PCDH15: variants seen among roughly 807,000 people sequenced by gnomAD.
PCDH15 encodes the protein protocadherin-15.
PCDH15 carries 129 observed loss-of-function variants against 178.5 expected under a neutral mutation model. The ratio of observed to expected loss-of-function variants is 0.72; its 90% CI spans 0.63 to 0.84. The LOEUF (loss-of-function observed/expected upper bound fraction) is 0.84. PCDH15 is among the 40% of genes least tolerant of loss of function. The pLI is 0.00. For synonymous variants in PCDH15, 800 were observed against 732.0 expected (o/e 1.09, Z -1.50); for missense variants, 2,230 against 2,099.9 (o/e 1.06, Z -1.21).
intron 8 of PCDH15, among the ~76,000 whole-genome samples, chr10:54,297,099 G>C (rs879908035): frequency 2.0e-5 from 3 of 152,080 alleles, no homozygotes; most frequent in African/African-American, 4.8e-5. Flanking sequence ...AGGGGTTTCT[G>C]CTGCCACGTC....
At chr10:54,624,241 A>T (rs908655559) in intron 2 of PCDH15, among the ~76,000 whole-genome samples, 1 of 152,216 alleles carries the variant, frequency 6.6e-6, no homozygotes, top group African/African-American at 2.4e-5. Flanking sequence ...GGCATATACC[A>T]TCTCTCAAAT....
intron 1 of PCDH15, among the ~76,000 whole-genome samples, chr10:54,680,924 C>T (rs1012540590): frequency 6.6e-6 from 1 of 152,064 alleles, no homozygotes; most frequent in African/African-American, 2.4e-5. Flanking sequence ...GAGAAGATTG[C>T]TAGGGTATTA....
At chr10:54,612,564 A>G (rs2092997884) in intron 2 of PCDH15, among the ~76,000 whole-genome samples, 1 of 151,792 alleles carries the variant, frequency 6.6e-6, no homozygotes, top group African/African-American at 2.4e-5. Context: ...TGGCAACTTT[A>G]CAGAAAAACA....
chr10:53,877,547 T>C (rs1418885822), intron 26 of PCDH15, among the ~76,000 whole-genome samples: 1 of 152,170 alleles, frequency 6.6e-6, no homozygotes, highest in East Asian at 1.9e-4. Context: ...TTAAATAACA[T>C]ACTTGTTATT....
chr10:54,327,720 G>A (rs572886198), intron 7 of PCDH15, among the ~76,000 whole-genome samples: 19 of 151,910 alleles, frequency 1.3e-4, no homozygotes, highest in African/African-American at 4.6e-4. Context: ...TTTCCTTTTA[G>A]CATCCCCTGC....
At chr10:54,269,302 C>T (rs2057900341) in intron 8 of PCDH15, among the ~76,000 whole-genome samples, 2 of 151,774 alleles carry the variant, frequency 1.3e-5, no homozygotes, top group Non-Finnish European at 2.9e-5. Flanking sequence ...TAGACTTTTT[C>T]CTCGCATTGG....
At chr10:55,149,752 C>CT in intron 2 of PCDH15, among the ~76,000 whole-genome samples, 1 of 151,876 alleles carries the variant, frequency 6.6e-6, no homozygotes, top group Non-Finnish European at 1.5e-5. Context: ...AGACGTCAAC[C>CT]TTTTTTTGAG....
intron 28 of PCDH15, among the ~76,000 whole-genome samples, chr10:53,854,647 A>T (rs1275935302): frequency 6.6e-6 from 1 of 151,996 alleles, no homozygotes; most frequent in Non-Finnish European, 1.5e-5. Context: ...ATGCTTAATA[A>T]ATAAAATGTA....
intron 2 of PCDH15, among the ~76,000 whole-genome samples, chr10:54,974,474 G>A (rs1458966838): frequency 6.6e-6 from 1 of 151,428 alleles, no homozygotes; most frequent in Non-Finnish European, 1.5e-5. Flanking sequence ...TAATATACAT[G>A]AACGTGTGTG....
intron 1 of PCDH15, among the ~76,000 whole-genome samples, chr10:55,297,459 G>T (rs975858022): frequency 6.6e-6 from 1 of 151,858 alleles, no homozygotes; most frequent in African/African-American, 2.4e-5. Context: ...TGTAATTTAA[G>T]TCCATCTCTT....
chr10:55,224,884 G>T (rs527448331), intron 1 of PCDH15, among the ~76,000 whole-genome samples: 1 of 152,096 alleles, frequency 6.6e-6, no homozygotes, highest in East Asian at 1.9e-4. Flanking sequence ...GCCTGTTTGT[G>T]TAGTTGGAAC....
intron 2 of PCDH15, among the ~76,000 whole-genome samples, chr10:55,095,743 T>A (rs1842435295): frequency 6.6e-6 from 1 of 152,098 alleles, no homozygotes; most frequent in African/African-American, 2.4e-5. Flanking sequence ...ACTTTAACAG[T>A]GATAACAGGT....
rs1840745139 is a variant in PCDH15 at position 55,505,676 on chromosome 10, A to G, written c.-156+121949T>C. Among the ~76,000 whole-genome samples, 3 of 151,520 alleles carry G rather than the reference A, an allele frequency of 2.0e-5. No individual in the cohort carries two copies. In the Admixed American group the frequency reaches 2.0e-4, roughly 10 times the overall value. ...CATTTCATTCATTCAACAAACATGTATCAGGCAATGTTGTAAGAGATGCTA... is the reference window on the plus strand; with the variant it reads ...CATTTCATTCATTCAACAAACATGTGTCAGGCAATGTTGTAAGAGATGCTA... On this transcript the variant is annotated intron_variant, in intron 2 of 5. Coordinates refer to the PCDH15 transcript ENST00000613346.
intron 17 of PCDH15, among the ~76,000 whole-genome samples, chr10:54,076,921 ATC>A (rs1291685536): frequency 1.3e-5 from 2 of 152,144 alleles, no homozygotes; most frequent in African/African-American, 2.4e-5. Context: ...TTTATTAAAT[ATC>A]TGTTTTAAAC....
At chr10:55,235,498 C>G (rs1841352994) in intron 1 of PCDH15, among the ~76,000 whole-genome samples, 1 of 152,056 alleles carries the variant, frequency 6.6e-6, no homozygotes, top group Non-Finnish European at 1.5e-5. Flanking sequence ...TCAATAGAAA[C>G]TAAATTTAAG....
chr10:55,200,575 G>GA lies in PCDH15; in HGVS notation c.-155-33925dup, dbSNP rs530158123. Among the ~76,000 whole-genome samples, 7 of 152,184 alleles carry GA rather than the reference G, an allele frequency of 4.6e-5. No individual in the cohort carries two copies. In the South Asian group the frequency reaches 1.5e-3, roughly 32 times the overall value. On this transcript the variant is annotated intron_variant, in intron 1 of 5. Transcript: ENST00000458638. ...CTCTGGGGGACTTTTGGGAAGGCAT[G>GA]AATGTGTTTTGAAATGTAAGAAAGA...
intron 3 of PCDH15, among the ~76,000 whole-genome samples, chr10:54,474,426 T>C (rs989992077): frequency 3.3e-5 from 5 of 151,978 alleles, no homozygotes; most frequent in African/African-American, 9.7e-5. Flanking sequence ...CTAAAGCCTG[T>C]AAATAAGCTT....
intron 2 of PCDH15, among the ~76,000 whole-genome samples, chr10:55,094,017 T>C (rs930557238): frequency 1.3e-5 from 2 of 152,090 alleles, no homozygotes; most frequent in African/African-American, 4.8e-5. Context: ...AGAAATACCA[T>C]TTGACCCAGG....
intron 22 of PCDH15, among the ~76,000 whole-genome samples, chr10:53,960,283 A>G (rs1479862838): frequency 6.6e-6 from 1 of 152,202 alleles, no homozygotes; most frequent in East Asian, 1.9e-4. Flanking sequence ...TTGCTCAAAA[A>G]AGAAATTAAT....
Sources: allele counts gnomAD v4.1 joint callset (sites outside exome capture counted in the v4.1 genomes callset), GRCh38; gene constraint gnomAD v4.1.1; transcripts MANE v1.5; gene names NCBI Gene and HGNC (gene_info 2026-07-23, HGNC 2026-07-21).